The following ESRRG variants were observed in gnomAD, a reference collection of about 807,000 sequenced individuals.
ESRRG encodes estrogen-related receptor gamma.
In ESRRG, 13 loss-of-function variants were observed where a neutral mutation model predicts 44.0. The observed-to-expected ratio is 0.30, with a 90% CI of 0.19 to 0.47. The LOEUF (loss-of-function observed/expected upper bound fraction) is 0.47, where lower values mean the gene tolerates loss of function less well. Among genes scored for constraint, ESRRG ranks in the 20% least tolerant of loss-of-function variants. ESRRG has a pLI of 1.00. For synonymous variants in ESRRG, 215 were observed against 214.6 expected (o/e 1.00, Z -0.02); for missense variants, 395 against 580.6 (o/e 0.68, Z 3.29).
intron 1 of ESRRG, among the ~76,000 whole-genome samples, chr1:217,114,326 C>A (rs1053400341): frequency 6.6e-6 from 1 of 151,944 alleles, no homozygotes. Flanking sequence ...GCAGTACCAG[C>A]AACACCTTAC....
chr1:216,658,311 A>G (rs2071171484), intron 2 of ESRRG, among the ~76,000 whole-genome samples: 1 of 152,176 alleles, frequency 6.6e-6, no homozygotes, highest in Admixed American at 6.5e-5. Context: ...AAAAAACTAC[A>G]TCTTCCCTCA....
intron 1 of ESRRG, among the ~76,000 whole-genome samples, chr1:217,069,961 A>G (rs2090350043): frequency 6.6e-6 from 1 of 152,192 alleles, no homozygotes; most frequent in Admixed American, 6.5e-5. Flanking sequence ...AAAAATGGTC[A>G]CCTATTTCCA....
intron 1 of ESRRG, among the ~76,000 whole-genome samples, chr1:216,942,566 C>A (rs1178179403): frequency 6.6e-6 from 1 of 152,168 alleles, no homozygotes; most frequent in East Asian, 1.9e-4. Flanking sequence ...CACAACCCCA[C>A]AAACATCTGT....
chr1:216,982,549 T>G (rs527680689), intron 1 of ESRRG, among the ~76,000 whole-genome samples: 1 of 152,264 alleles, frequency 6.6e-6, no homozygotes, highest in South Asian at 2.1e-4. Flanking sequence ...CAAGGGCAAT[T>G]TCTGCAGAGC....
At chr1:216,728,958 T>C (rs906264227) in intron 2 of ESRRG, among the ~76,000 whole-genome samples, 47 of 152,144 alleles carry the variant, frequency 3.1e-4, no homozygotes, top group Non-Finnish European at 1.2e-4. Flanking sequence ...GGCAAATTAA[T>C]TAGAGGTGTG....
chr1:216,905,123 A>G (rs944412956), intron 2 of ESRRG, among the ~76,000 whole-genome samples: 7 of 152,302 alleles, frequency 4.6e-5, no homozygotes, highest in Admixed American at 2.6e-4. Flanking sequence ...CGGAACTTCA[A>G]TAAACCTTAA....
chr1:216,930,128 C>T (rs75369606), intron 2 of ESRRG, among the ~76,000 whole-genome samples: 41 of 152,256 alleles, frequency 2.7e-4, no homozygotes, highest in African/African-American at 9.1e-4. Context: ...CTTTGAAGAA[C>T]CTTTCTCTGA....
At chr1:216,872,027 T>G (rs1381594191) in intron 2 of ESRRG, among the ~76,000 whole-genome samples, 2 of 152,164 alleles carry the variant, frequency 1.3e-5, no homozygotes, top group Non-Finnish European at 2.9e-5. Flanking sequence ...CTCCTTCATC[T>G]GAGGATGTCT....
intron 1 of ESRRG, among the ~76,000 whole-genome samples, chr1:216,950,656 A>G (rs79905261): frequency 2.6e-4 from 39 of 152,330 alleles, no homozygotes; most frequent in Non-Finnish European, 4.0e-4. Context: ...CAAAAACTCA[A>G]TTCCTGATTT....
chr1:217,110,032 A>G (rs181039353), intron 1 of ESRRG, among the ~76,000 whole-genome samples: 1 of 152,150 alleles, frequency 6.6e-6, no homozygotes, highest in Non-Finnish European at 1.5e-5. Context: ...TTTGTTACTA[A>G]GGAGAATGCT....
intron 1 of ESRRG, among the ~76,000 whole-genome samples, chr1:217,060,947 C>T (rs1429763713): frequency 6.6e-6 from 1 of 151,516 alleles, no homozygotes; most frequent in Non-Finnish European, 1.5e-5. Flanking sequence ...TACTTTATAT[C>T]CATTATTCTA....
chr1:216,710,791 C>A (rs1370595028), intron 1 of ESRRG, among the ~76,000 whole-genome samples: 1 of 152,128 alleles, frequency 6.6e-6, no homozygotes, highest in East Asian at 1.9e-4. Context: ...CCCCGCTGCA[C>A]TGCATGCGCC....
intron 3 of ESRRG, among the ~76,000 whole-genome samples, chr1:216,629,412 A>G (rs1026545252): frequency 2.6e-5 from 4 of 152,296 alleles, no homozygotes; most frequent in African/African-American, 7.2e-5. Context: ...ATAAGACACC[A>G]CCCTGAGAAG....
At chr1:216,988,007 G>A (rs2075132512) in intron 1 of ESRRG, among the ~76,000 whole-genome samples, 1 of 152,102 alleles carries the variant, frequency 6.6e-6, no homozygotes, top group Non-Finnish European at 1.5e-5. Context: ...TTTATTGGCT[G>A]CCTTTCCTTC....
At chr1:216,618,401 T>C (rs1221495618) in intron 3 of ESRRG, among the ~76,000 whole-genome samples, 1 of 152,220 alleles carries the variant, frequency 6.6e-6, no homozygotes, top group Non-Finnish European at 1.5e-5. Context: ...AGAACAGAAT[T>C]AACTAGGTAG....
At chr1:216,713,505 GA>G (rs1175855609) in intron 1 of ESRRG, among the ~76,000 whole-genome samples, 1 of 152,094 alleles carries the variant, frequency 6.6e-6, no homozygotes, top group African/African-American at 2.4e-5. Flanking sequence ...CCCATCTGCT[GA>G]AAAAAGAGGG....
intron 3 of ESRRG, among the ~76,000 whole-genome samples, chr1:216,635,698 C>A (rs532385784): frequency 6.6e-6 from 1 of 152,240 alleles, no homozygotes; most frequent in South Asian, 2.1e-4. Flanking sequence ...CCCTGCCTGT[C>A]ACCTTCAGCT....
chr1:216,598,731 A>G (rs573533470), intron 3 of ESRRG, among the ~76,000 whole-genome samples: 2 of 136,174 alleles, frequency 1.5e-5, no homozygotes, highest in South Asian at 2.2e-4. Context: ...GTTTGGCTGG[A>G]AAAAAAAAAG....
chr1:216,533,993 C>A (rs1475153308), intron 5 of ESRRG, among the ~76,000 whole-genome samples: 1 of 152,136 alleles, frequency 6.6e-6, no homozygotes, highest in Non-Finnish European at 1.5e-5. Flanking sequence ...CTTTGATGAA[C>A]TACAGACAGA....
Sources: gnomAD v4.1 joint callset for allele counts (sites outside exome capture counted in the v4.1 genomes callset) on GRCh38, gnomAD v4.1.1 for gene constraint, MANE v1.5 for transcripts, NCBI Gene and HGNC (gene_info 2026-07-23, HGNC 2026-07-21) for gene names.